The following TRIM5 variants were observed in gnomAD, a reference collection of about 807,000 sequenced individuals.
TRIM5 encodes tripartite motif containing 5.
Under a neutral mutation model 35.6 loss-of-function variants are expected in TRIM5, and 31 were observed. The ratio of observed to expected loss-of-function variants is 0.87; its 90% CI spans 0.65 to 1.18. The LOEUF (loss-of-function observed/expected upper bound fraction) is 1.18. TRIM5 is among the 50% of genes most tolerant of loss of function. The probability of loss-of-function intolerance (pLI) is 0.00; values close to 1 mark genes in which losing one functional copy is unlikely to be tolerated. For missense variants in TRIM5, 609 were observed against 591.6 expected (o/e 1.03, Z -0.31); for synonymous variants, 243 against 215.6 (o/e 1.13, Z -1.11).
chr11:5,629,105 C>T, the TRIM5 span, among the ~76,000 whole-genome samples: 3 of 152,038 alleles, frequency 2.0e-5, no homozygotes, highest in South Asian at 2.1e-4. Context: ...GGTGAAACCC[C>T]GTCTCTACTA....
At chr11:5,610,096 G>A in the TRIM5 span, 1 of 1,600,816 alleles carries the variant, frequency 6.2e-7, no homozygotes, top group Non-Finnish European at 8.6e-7. Flanking sequence ...GGGTGGTGGA[G>A]GAACCCACAG....
chr11:5,680,039 T>G lies in TRIM5; in HGVS notation c.139A>C (p.Met47Leu). ...ACLTANHKKS[M>L]LDKGESSCPV... The stretch of plus-strand genomic sequence containing the variant: ...CAGCTACTCTCTCCTTTGTCTAGCA[T>G]GGACTTCTTGTGGTTTGCAGTGAGG... Residue 47 changes from methionine (M) to leucine (L), a missense_variant, in exon 2 of 8, where the codon ATG becomes CTG. Transcript: ENST00000380034. 2 of 1,614,166 alleles carry G rather than the reference T, an allele frequency of 1.2e-6. No individual in the cohort carries two copies. Among genetic ancestry groups the G allele is most frequent in the South Asian group, 2.2e-5 (2 of 91,062 alleles).
intron 1 of TRIM5, among the ~76,000 whole-genome samples, chr11:5,683,056 C>G (rs1240967145): frequency 6.6e-6 from 1 of 152,208 alleles, no homozygotes; most frequent in East Asian, 1.9e-4. Flanking sequence ...CGGCCGGCCC[C>G]GCTGCCCCGG....
chr11:5,602,169 A>G, the TRIM5 span, among the ~76,000 whole-genome samples: 32,226 of 152,154 alleles, frequency 0.21, 3,772 homozygotes, highest in African/African-American at 0.31. Context: ...GACCGGGTGC[A>G]GTGGCTCATG....
chr11:5,681,272 C>T (rs561508729), intron 1 of TRIM5, among the ~76,000 whole-genome samples: 5 of 152,148 alleles, frequency 3.3e-5, no homozygotes, highest in African/African-American at 4.8e-5. Context: ...GGCCCAATAA[C>T]GAGATGCAGA....
In TRIM5 at chr11:5,679,921, C is replaced by T. The variant is rs1564925103; in HGVS notation, c.257G>A (p.Ser86Asn). ...ATGATCAACTTTCTGCCCCTCTGGG[C>T]TCAACTTGACCTCCCTGAGCTTCTC... Reference protein sequence around the residue: ...IVEKLREVKLSPEGQKVDHCA... With the variant: ...IVEKLREVKLNPEGQKVDHCA... Residue 86 changes from serine to asparagine, a missense_variant, in exon 2 of 8, where the codon AGC (serine) becomes AAC (asparagine). Physicochemically the swap from Ser to Asn is conservative, Grantham distance 46 (BLOSUM62 1). Transcript: ENST00000380034. The T allele has an allele frequency of 1.2e-6, 2 of 1,614,074 alleles. No homozygotes were observed. Among genetic ancestry groups the T allele is most frequent in the Non-Finnish European group, 1.7e-6 (2 of 1,180,022 alleles).
At chr11:5,590,960 G>A in the TRIM5 span, 55 of 175,632 alleles carry the variant, frequency 3.1e-4, 4 homozygotes, top group South Asian at 7.4e-3. Context: ...TACTCACCGT[G>A]AGGGTCCGCG....
chr11:5,649,320 C>T, the TRIM5 span, among the ~76,000 whole-genome samples: 2 of 152,164 alleles, frequency 1.3e-5, no homozygotes, highest in East Asian at 1.9e-4. Flanking sequence ...CGAGTGATAG[C>T]GATTTCTACC....
At chr11:5,643,393 G>A in the TRIM5 span, 36 of 1,614,100 alleles carry the variant, frequency 2.2e-5, no homozygotes, top group South Asian at 5.5e-5. Context: ...TGTGCAAATC[G>A]TCAAAATCTT....
At chr11:5,632,157 T>G in the TRIM5 span, 41 of 1,482,408 alleles carry the variant, frequency 2.8e-5, no homozygotes, top group Non-Finnish European at 3.6e-5. Context: ...TCTTCTTTGT[T>G]CTTTGATATT....
the TRIM5 span, among the ~76,000 whole-genome samples, chr11:5,635,766 A>T: frequency 6.6e-6 from 1 of 152,114 alleles, no homozygotes; most frequent in Admixed American, 6.5e-5. Flanking sequence ...AGCTTTTTTT[A>T]AATTCCTTTT....
chr11:5,624,294 G>A, the TRIM5 span, among the ~76,000 whole-genome samples: 1 of 152,188 alleles, frequency 6.6e-6, no homozygotes. Flanking sequence ...ACTGTGCACA[G>A]TTTGATGAGT....
chr11:5,680,087 C>T lies in TRIM5; in HGVS notation c.91G>A (p.Gly31Ser), dbSNP rs59896509. ...LLTQPLSLDCGHSFCQACLTA... is the reference protein window; with the variant it reads ...LLTQPLSLDCSHSFCQACLTA... Reference sequence around the variant, plus strand: ...AGGCATGCTTGGCAGAAGCTGTGGCCGCAGTCCAGGCTCAGGGGTTGTGTC... The same window carrying T: ...AGGCATGCTTGGCAGAAGCTGTGGCTGCAGTCCAGGCTCAGGGGTTGTGTC... The change falls in exon 2 of 8, where the codon GGC becomes AGC. Residue 31 changes from glycine (G) to serine (S), a missense_variant. Physicochemically the swap from Gly to Ser is moderately conservative, Grantham distance 56. Transcript: ENST00000380034. 2,093 of 1,614,028 alleles carry T rather than the reference C, an allele frequency of 1.3e-3. 32 individuals are homozygous for T. The African/African-American group carries it at 0.025, about 20-fold the overall frequency.
At chr11:5,619,421 G>A in the TRIM5 span, among the ~76,000 whole-genome samples, 3 of 152,086 alleles carry the variant, frequency 2.0e-5, no homozygotes, top group Non-Finnish European at 2.9e-5. Flanking sequence ...CCTTTGTTAT[G>A]GGGGATGCTC....
At chr11:5,607,190 C>G in the TRIM5 span, among the ~76,000 whole-genome samples, 5 of 151,428 alleles carry the variant, frequency 3.3e-5, no homozygotes, top group African/African-American at 4.9e-5. Context: ...GGCGACAGAG[C>G]AAGACTCCAT....
At position 5,664,576 on chromosome 11, in the gene TRIM5, T is replaced by C; in HGVS notation, c.*233A>G. Reference sequence around the variant, plus strand: ...CATTTTATGAGGTATAGGTCAGTTTTCCTTAGGAGTACGGAAAATGATGAA... The same window carrying C: ...CATTTTATGAGGTATAGGTCAGTTTCCCTTAGGAGTACGGAAAATGATGAA... On this transcript the variant is annotated 3_prime_UTR_variant, in exon 8 of 8. Coordinates refer to ENST00000380034, the MANE Select transcript of TRIM5 (RefSeq NM_033034.3). 7.9e-7 allele frequency: 1 copy of C among 1,264,656 alleles called. No individual in the cohort carries two copies. The highest frequency in any genetic ancestry group is 2.6e-5 in the South Asian group (1 of 38,090). The allele number at this position is 1,264,656 out of a possible 1,614,324, so 78.3% of individuals were successfully genotyped here. A position where few individuals can be genotyped will look rare whatever the true frequency, so the allele number is the denominator to read the frequency against.
In TRIM5 at chr11:5,679,090, T is replaced by C; in HGVS notation, c.497A>G (p.Glu166Gly). ...AEELEADIRE[E>G]KASWKTQIQY... ...TCCTCTTGCCTTCCAGGAAGCTTTC[T>C]CTTCTCTGATGTCAGCTTCTAACTC... Residue 166 changes from glutamate (E) to glycine (G), a missense_variant, in exon 3 of 8, where the codon GAG (glutamate) becomes GGG (glycine). Physicochemically the swap from Glu to Gly is moderately conservative, Grantham distance 98 (BLOSUM62 -2). Transcript: ENST00000380034. 1.9e-6 allele frequency: 3 copies of C among 1,614,016 alleles called. No homozygotes were observed. The highest frequency in any genetic ancestry group is 1.7e-6 in the Non-Finnish European group (2 of 1,179,926).
chr11:5,604,405 C>G, the TRIM5 span: 1 of 1,003,166 alleles, frequency 1.0e-6, no homozygotes. Context: ...TTGGCCCTCT[C>G]AAGTTTTCAT....
the TRIM5 span, chr11:5,604,485 G>T: frequency 6.3e-7 from 1 of 1,579,816 alleles, no homozygotes; most frequent in Non-Finnish European, 8.6e-7. Context: ...TCTGGGTACT[G>T]AGTCAACTGA....
Sources: allele counts gnomAD v4.1 joint callset (sites outside exome capture counted in the v4.1 genomes callset), GRCh38; gene constraint gnomAD v4.1.1; transcripts MANE v1.5; gene names NCBI Gene and HGNC (gene_info 2026-07-23, HGNC 2026-07-21).